Variants in RASAL2 observed in about 807,000 individuals in gnomAD.
RASAL2 encodes ras GTPase-activating protein nGAP.
A neutral mutation model predicts 128.9 loss-of-function variants in RASAL2; 58 were observed. The observed-to-expected ratio is 0.45, with a 90% CI of 0.36 to 0.56. The LOEUF (loss-of-function observed/expected upper bound fraction) is 0.56, where lower values mean the gene tolerates loss of function less well. Among genes scored for constraint, RASAL2 ranks in the 20% least tolerant of loss-of-function variants. The probability of loss-of-function intolerance (pLI) is 0.00; values close to 1 mark genes in which losing one functional copy is unlikely to be tolerated. For missense variants in RASAL2, 1,360 were observed against 1,601.6 expected, an observed-to-expected ratio of 0.85 and a Z score of 2.57; for synonymous variants, 561 against 580.8, an observed-to-expected ratio of 0.97 and a Z score of 0.49.
At chr1:178,341,756 C>A in intron 3 of RASAL2, 1 of 1,119,468 alleles carries the variant, frequency 8.9e-7, no homozygotes, top group Non-Finnish European at 1.3e-6. Flanking sequence ...GCTGTGAGTT[C>A]ACAGAAATAC....
chr1:178,205,484 C>T (rs1003277507), intron 1 of RASAL2, among the ~76,000 whole-genome samples: 1 of 152,052 alleles, frequency 6.6e-6, no homozygotes, highest in Non-Finnish European at 1.5e-5. Context: ...GGGCCGGGCG[C>T]AGTGGATCAC....
intron 5 of RASAL2, among the ~76,000 whole-genome samples, chr1:178,433,106 A>G (rs1676030144): frequency 6.6e-6 from 1 of 152,038 alleles, no homozygotes; most frequent in East Asian, 1.9e-4. Context: ...TTCTCCTTCT[A>G]ACATCCATAC....
intron 3 of RASAL2, among the ~76,000 whole-genome samples, chr1:178,371,343 C>CACAAAT (rs1671697564): frequency 7.0e-6 from 1 of 142,496 alleles, no homozygotes; most frequent in African/African-American, 2.9e-5. Context: ...CACACACACA[C>CACAAAT]ACACACACAA....
rs182619464 is a variant in RASAL2 at position 178,283,615 on chromosome 1, C to T, written c.254C>T (p.Thr85Ile). Residue 85 changes from threonine (T) to isoleucine (I), a missense_variant, in exon 2 of 18, where the codon ACC (threonine) becomes ATC (isoleucine). Physicochemically the swap from Thr to Ile is moderately conservative, Grantham distance 89 (BLOSUM62 -1). Around this residue, in one of 3 missense-constraint regions of RASAL2, gnomAD observed 617 missense variants for 714.2 expected, o/e 0.86. Coordinates refer to ENST00000367649, the MANE Select transcript of RASAL2 (RefSeq NM_170692.4). ...CTGTCTTGTGGTCAGTCACCCTACACCGAGACAACAACGTGGGAGCGGAAG... is the reference window on the plus strand; with the variant it reads ...CTGTCTTGTGGTCAGTCACCCTACATCGAGACAACAACGTGGGAGCGGAAG... ...HRLSCGQSPY[T>I]ETTTWERKYC... 243 of 1,613,984 alleles carry T rather than the reference C, an allele frequency of 1.5e-4. No homozygotes were observed. The East Asian group carries it at 5.3e-3, about 35-fold the overall frequency.
At chr1:178,300,289 A>G (rs1028083111) in intron 3 of RASAL2, among the ~76,000 whole-genome samples, 171 bp downstream of exon 3, 3 of 152,216 alleles carry the variant, frequency 2.0e-5, no homozygotes, top group African/African-American at 7.2e-5. Flanking sequence ...TTTATAACCA[A>G]CTGACAGCAA....
At position 178,379,346 on chromosome 1, in the gene RASAL2, G is replaced by A. The variant is rs180910351; in HGVS notation, c.458-10754G>A. On this transcript the variant is annotated intron_variant, in intron 3 of 17. Transcript: ENST00000367649. ...TGAGCTGTGATTCTGCCACTTTACT[G>A]GGAGTGACAGAGCAAGACCCTGTCT... is the stretch of plus-strand genomic sequence containing the variant. 3.1e-3 allele frequency among the ~76,000 whole-genome samples: 466 copies of A among 151,524 alleles called. 2 individuals carry two copies. The highest frequency in any genetic ancestry group is 4.9e-3 in the Non-Finnish European group (332 of 67,854).
intron 1 of RASAL2, among the ~76,000 whole-genome samples, chr1:178,146,532 G>A (rs1162579683): frequency 1.3e-5 from 2 of 152,154 alleles, no homozygotes; most frequent in Non-Finnish European, 2.9e-5. Context: ...TGTTTTCAAA[G>A]CTGTTACAGG....
At chr1:178,255,947 C>T (rs1352007460) in intron 1 of RASAL2, among the ~76,000 whole-genome samples, 1 of 152,056 alleles carries the variant, frequency 6.6e-6, no homozygotes, top group Non-Finnish European at 1.5e-5. Flanking sequence ...ACAGGAGACA[C>T]ACTTTAAGAA....
At position 178,179,871 on chromosome 1, in the gene RASAL2, A is replaced by G. The variant is rs1044125527; in HGVS notation, c.202+85177A>G. On this transcript the variant is annotated intron_variant, in intron 1 of 17. Coordinates refer to ENST00000367649, the MANE Select transcript of RASAL2 (RefSeq NM_170692.4). ...TAGCTAATCTAGATAATAAATAACA[A>G]TCTTGTTCGTACGAAATAGAAAATA... Among the ~76,000 whole-genome samples, 5 of 152,168 alleles carry G rather than the reference A, an allele frequency of 3.3e-5. No individual in the cohort carries two copies. The East Asian group carries it at 5.8e-4, about 18-fold the overall frequency.
At chr1:178,462,864 T>C (rs925676794) in intron 14 of RASAL2, among the ~76,000 whole-genome samples, 2 of 152,218 alleles carry the variant, frequency 1.3e-5, no homozygotes, top group Admixed American at 1.3e-4. Flanking sequence ...GCTATTTTTA[T>C]TGATATATAA....
intron 1 of RASAL2, among the ~76,000 whole-genome samples, chr1:178,226,864 CG>C (rs1228593146): frequency 6.6e-6 from 1 of 152,044 alleles, no homozygotes; most frequent in Non-Finnish European, 1.5e-5. Flanking sequence ...CACTTGAACC[CG>C]GGAGGTGGAG....
chr1:178,234,058 CTT>C (rs1358969138), intron 1 of RASAL2, among the ~76,000 whole-genome samples: 1 of 152,112 alleles, frequency 6.6e-6, no homozygotes, highest in East Asian at 1.9e-4. Flanking sequence ...CTTTTAATGA[CTT>C]ATAGTAATAG....
intron 1 of RASAL2, among the ~76,000 whole-genome samples, chr1:178,184,511 G>A (rs1245954790): frequency 6.6e-6 from 1 of 151,768 alleles, no homozygotes; most frequent in Non-Finnish European, 1.5e-5. Context: ...AAAGATGTTA[G>A]GTTTGTGTTT....
intron 3 of RASAL2, among the ~76,000 whole-genome samples, chr1:178,326,418 A>G (rs1350621407): frequency 6.6e-6 from 1 of 152,200 alleles, no homozygotes; most frequent in Non-Finnish European, 1.5e-5. Context: ...ACCTTTTAGT[A>G]TGTATGTGTC....
intron 3 of RASAL2, among the ~76,000 whole-genome samples, chr1:178,345,947 A>T (rs1333870831): frequency 6.6e-6 from 1 of 152,208 alleles, no homozygotes; most frequent in Non-Finnish European, 1.5e-5. Flanking sequence ...GTATTTTCTC[A>T]AAGTATGGGA....
At chr1:178,263,959 T>C (rs1665822228) in intron 1 of RASAL2, among the ~76,000 whole-genome samples, 1 of 152,228 alleles carries the variant, frequency 6.6e-6, no homozygotes, top group South Asian at 2.1e-4. Flanking sequence ...GCCATTGTGC[T>C]CTGAGTTAGT....
chr1:178,125,810 G>T (rs1209862893), intron 1 of RASAL2, among the ~76,000 whole-genome samples: 1 of 152,142 alleles, frequency 6.6e-6, no homozygotes, highest in Non-Finnish European at 1.5e-5. Flanking sequence ...AAGACATCTT[G>T]AAGAATTAAA....
chr1:178,198,947 T>C (rs1227715320), intron 1 of RASAL2, among the ~76,000 whole-genome samples: 1 of 152,188 alleles, frequency 6.6e-6, no homozygotes, highest in African/African-American at 2.4e-5. Flanking sequence ...AGGCAAGTGG[T>C]CCTCATTGAG....
intron 1 of RASAL2, among the ~76,000 whole-genome samples, chr1:178,105,622 A>G (rs1659058496): frequency 6.6e-6 from 1 of 151,658 alleles, no homozygotes; most frequent in African/African-American, 2.4e-5. Context: ...GTATGGCAGT[A>G]TTTTTGTCAG....
Sources: allele counts gnomAD v4.1 joint callset (sites outside exome capture counted in the v4.1 genomes callset), GRCh38; gene constraint gnomAD v4.1.1; regional missense constraint gnomAD v4.1.1; transcripts MANE v1.5; gene names NCBI Gene and HGNC (gene_info 2026-07-23, HGNC 2026-07-21).